The following AGO3 variants were observed in gnomAD, a reference collection of about 807,000 sequenced individuals.
AGO3 encodes the protein protein argonaute-3.
In AGO3, 16 loss-of-function variants were observed where a neutral mutation model predicts 105.5. That is an observed-to-expected ratio of 0.15 (90% confidence interval 0.10 to 0.23). The LOEUF (loss-of-function observed/expected upper bound fraction) is 0.23, where lower values mean the gene tolerates loss of function less well. Among genes scored for constraint, AGO3 ranks in the 10% least tolerant of loss-of-function variants. AGO3 has a pLI of 1.00. For synonymous variants in AGO3, 340 were observed against 367.3 expected (o/e 0.93, Z 0.85); for missense variants, 534 against 1,088.0 (o/e 0.49, Z 7.16).
At chr1:35,995,624 A>G (rs1334696589) in intron 5 of AGO3, among the ~76,000 whole-genome samples, 1 of 152,222 alleles carries the variant, frequency 6.6e-6, no homozygotes, top group Non-Finnish European at 1.5e-5. Flanking sequence ...AAACATTAAA[A>G]CTGGTAAATT....
In AGO3 at chr1:36,066,114, A is replaced by G. The variant is rs1040516550; in HGVS notation, c.*10369A>G. ...TTGCCATGAACAGCGTTATGCGTAG[A>G]AAACAGATGGAAGTGTTGGTCATTA... On this transcript the variant is annotated 3_prime_UTR_variant, in exon 19 of 19. Transcript: ENST00000373191. 4.6e-5 allele frequency: 7 copies of G among 152,168 alleles called. No individual in the cohort carries two copies. The highest frequency in any genetic ancestry group is 3.9e-4 in the Admixed American group (6 of 15,286). 9.4% of individuals were successfully genotyped at this position (152,168 alleles called of 1,614,324 possible). A position where few individuals can be genotyped will look rare whatever the true frequency, so the allele number is the denominator to read the frequency against.
At chr1:35,973,321 T>G in intron 4 of AGO3, 54 bp from the exon 5 acceptor site, 2 of 1,384,348 alleles carry the variant, frequency 1.4e-6, no homozygotes, top group Non-Finnish European at 1.9e-6. Flanking sequence ...TTCTGCAGAT[T>G]TAAATACTTG....
chr1:36,071,486 T>G lies in AGO3; in HGVS notation c.*15741T>G, dbSNP rs896024246. Reference sequence around the variant, plus strand: ...TATTACATAAAATCAGAGTAACCTCTTTCTCCATCCTCCTTTTCCACACTA... The same window carrying G: ...TATTACATAAAATCAGAGTAACCTCGTTCTCCATCCTCCTTTTCCACACTA... On this transcript the variant is annotated 3_prime_UTR_variant, in exon 19 of 19. Transcript: ENST00000373191. The G allele has an allele frequency of 1.3e-5, 2 of 152,318 alleles. No homozygotes were observed. The highest frequency in any genetic ancestry group is 2.9e-5 in the Non-Finnish European group (2 of 68,028). 9.4% of individuals were successfully genotyped at this position (152,318 alleles called of 1,614,324 possible). A position where few individuals can be genotyped will look rare whatever the true frequency, so the allele number is the denominator to read the frequency against.
chr1:36,022,092 G>A (rs1273517826), intron 11 of AGO3, among the ~76,000 whole-genome samples: 1 of 144,184 alleles, frequency 6.9e-6, no homozygotes, highest in East Asian at 2.1e-4. Context: ...TTGACATAGG[G>A]CCTCACTCTT....
Position 35,940,004 on chromosome 1 carries a change from T to A in AGO3, c.20-5688T>A, listed in dbSNP as rs557480818. Reference sequence around the variant, plus strand: ...AAAATAATAATCACTTATAAAAATTTCTAATCATTGTTCAAATTTTTACTT... The same window carrying A: ...AAAATAATAATCACTTATAAAAATTACTAATCATTGTTCAAATTTTTACTT... On this transcript the variant is annotated intron_variant, in intron 1 of 18. Coordinates refer to ENST00000373191, the MANE Select transcript of AGO3 (RefSeq NM_024852.4). Among the ~76,000 whole-genome samples the A allele has an allele frequency of 3.9e-5, 6 of 152,172 alleles. No individual in the cohort carries two copies. The South Asian group carries it at 1.0e-3, about 26-fold the overall frequency.
chr1:36,009,438 T>C (rs1640486734), intron 8 of AGO3, 37 bp from the exon 9 acceptor site: 2 of 1,569,996 alleles, frequency 1.3e-6, no homozygotes, highest in Non-Finnish European at 1.7e-6. Context: ...AAAAAAAAGA[T>C]ATATACATGT....
chr1:35,965,489 C>CAAAAAAAAA (rs1171759827), intron 2 of AGO3, among the ~76,000 whole-genome samples: 5 of 87,392 alleles, frequency 5.7e-5, no homozygotes, highest in Non-Finnish European at 7.2e-5. Flanking sequence ...GACGCTGTCT[C>CAAAAAAAAA]AAAAAAAAAA....
chr1:36,045,461 A>G (rs1317696465), intron 17 of AGO3, among the ~76,000 whole-genome samples: 1 of 151,886 alleles, frequency 6.6e-6, no homozygotes, highest in African/African-American at 2.4e-5. Flanking sequence ...ACCTCAGGCA[A>G]TCCGCCCACC....
chr1:36,053,878 A>G (rs1253968454), intron 17 of AGO3, among the ~76,000 whole-genome samples: 2 of 150,792 alleles, frequency 1.3e-5, no homozygotes, highest in Non-Finnish European at 2.9e-5. Flanking sequence ...CCTCCTGAGT[A>G]GCTGGGCTTA....
Position 35,931,115 on chromosome 1 carries a change from C to G in AGO3, c.-312C>G, listed in dbSNP as rs1474263298. 2.5e-5 allele frequency: 10 copies of G among 394,906 alleles called. No homozygotes were observed. Among genetic ancestry groups the G allele is most frequent in the Non-Finnish European group, 3.6e-5 (8 of 223,586 alleles). 24.5% of individuals were successfully genotyped at this position (394,906 alleles called of 1,614,324 possible). ...GGGGCGGCCCCGGGCAGGTCGGCGG[C>G]GGCGGCCCGCAGTCGTGGAGGAGCG... On this transcript the variant is annotated 5_prime_UTR_variant, in exon 1 of 19. Transcript: ENST00000373191.
intron 11 of AGO3, among the ~76,000 whole-genome samples, chr1:36,022,791 G>A (rs554907411): frequency 6.6e-6 from 1 of 152,128 alleles, no homozygotes; most frequent in Admixed American, 6.6e-5. Context: ...AATTAGCCGG[G>A]CCTGGTGGTG....
intron 11 of AGO3, among the ~76,000 whole-genome samples, chr1:36,020,044 T>C (rs1453467450): frequency 6.6e-6 from 1 of 152,180 alleles, no homozygotes; most frequent in Non-Finnish European, 1.5e-5. Context: ...AGTGCTGGGA[T>C]TACAGGTGTG....
Position 36,058,314 on chromosome 1 carries a change from A to G in AGO3, c.*2569A>G, listed in dbSNP as rs1293984449. The G allele has an allele frequency of 2.0e-5, 3 of 152,232 alleles. No homozygotes were observed. Among genetic ancestry groups the G allele is most frequent in the Non-Finnish European group, 4.4e-5 (3 of 68,044 alleles). 9.4% of individuals were successfully genotyped at this position (152,232 alleles called of 1,614,324 possible). A position where few individuals can be genotyped will look rare whatever the true frequency, so the allele number is the denominator to read the frequency against. ...CTGAAACGTGGGAAATTGTTTTACA[A>G]AACTTTTATTGATTACACTTTAAGG... On this transcript the variant is annotated 3_prime_UTR_variant, in exon 19 of 19. Transcript: ENST00000373191.
intron 6 of AGO3, among the ~76,000 whole-genome samples, chr1:36,007,704 C>A (rs552300577): frequency 2.6e-5 from 4 of 151,306 alleles, no homozygotes; most frequent in East Asian, 3.9e-4. Flanking sequence ...AAAAAAAAAA[C>A]CTAAATAAAA....
chr1:36,056,717 CTTTTTCT>C lies in AGO3; in HGVS notation c.*984_*990del. ...ATAAGCAGTAGCAACCTGAACTATT[CTTTTTCT>C]TTTTTCTTTTTCTTTTCTTTCTTTT... On this transcript the variant is annotated 3_prime_UTR_variant, in exon 19 of 19. Transcript: ENST00000373191. The C allele has an allele frequency of 6.6e-6, 1 of 151,228 alleles. No individual in the cohort carries two copies. The highest frequency in any genetic ancestry group is 1.9e-4 in the East Asian group (1 of 5,174). The allele number at this position is 151,228 out of a possible 1,614,324, so 9.4% of individuals were successfully genotyped here.
In AGO3 at chr1:36,010,702, G is replaced by A. The variant is rs537553187; in HGVS notation, c.1149+1108G>A. Reference sequence around the variant, plus strand: ...GGGGGCGGATCACCTGAGGTTGGGAGTTCAAGACCAGCCTACCAACATAGA... The same window carrying A: ...GGGGGCGGATCACCTGAGGTTGGGAATTCAAGACCAGCCTACCAACATAGA... On this transcript the variant is annotated intron_variant, in intron 9 of 18. Transcript: ENST00000373191. Among the ~76,000 whole-genome samples, 129 of 151,946 alleles carry A rather than the reference G, an allele frequency of 8.5e-4. 1 individual carries two copies. Among genetic ancestry groups the A allele is most frequent in the African/African-American group, 3.1e-3 (127 of 41,498 alleles).
At chr1:35,945,889 C>G in intron 2 of AGO3, 26 bp downstream of exon 2, 3 of 1,588,446 alleles carry the variant, frequency 1.9e-6, no homozygotes, top group African/African-American at 1.3e-5. Flanking sequence ...CTGCAAAGAT[C>G]TTTTGCTATT....
chr1:35,992,896 A>G (rs987074730), intron 5 of AGO3, among the ~76,000 whole-genome samples: 1 of 152,220 alleles, frequency 6.6e-6, no homozygotes, highest in Non-Finnish European at 1.5e-5. Context: ...ATTCACTTCC[A>G]GTAGGACTCA....
At chr1:35,993,958 C>T (rs936833998) in intron 5 of AGO3, among the ~76,000 whole-genome samples, 4 of 148,104 alleles carry the variant, frequency 2.7e-5, no homozygotes, top group South Asian at 4.3e-4. Context: ...GTTGGCCAGG[C>T]GTGTCTCAAA....
Sources: allele counts gnomAD v4.1 joint callset (sites outside exome capture counted in the v4.1 genomes callset), GRCh38; gene constraint gnomAD v4.1.1; transcripts MANE v1.5; gene names NCBI Gene and HGNC (gene_info 2026-07-23, HGNC 2026-07-21).